CHRM2: variants seen among roughly 807,000 people sequenced by gnomAD.
CHRM2 encodes cholinergic receptor muscarinic 2.
A neutral mutation model predicts 25.0 loss-of-function variants in CHRM2; 8 were observed. The ratio of observed to expected loss-of-function variants is 0.32; its 90% confidence interval spans 0.19 to 0.58. CHRM2 has a LOEUF of 0.58. Ranked by LOEUF, CHRM2 falls within the 20% of genes least tolerant of loss-of-function variation. The pLI is 0.88. For synonymous variants in CHRM2, 202 were observed against 205.7 expected (o/e 0.98, Z 0.15); for missense variants, 440 against 567.1 (o/e 0.78, Z 2.28).
intron 3 of CHRM2, among the ~76,000 whole-genome samples, chr7:137,001,215 CT>C (rs1281568171): frequency 1.3e-5 from 2 of 152,126 alleles, no homozygotes; most frequent in African/African-American, 4.8e-5. Flanking sequence ...CTCCTCCCCC[CT>C]CAGACAGGGT....
chr7:136,966,557 G>T (rs1307033748), intron 2 of CHRM2, among the ~76,000 whole-genome samples: 1 of 151,878 alleles, frequency 6.6e-6, no homozygotes, highest in Non-Finnish European at 1.5e-5. Context: ...GCCTGCCCTT[G>T]TCTCCTAGCC....
In CHRM2 at chr7:136,984,398, A is replaced by G. The variant is rs563924019; in HGVS notation, c.-124-7789A>G. On this transcript the variant is annotated intron_variant, in intron 2 of 3. Coordinates refer to ENST00000680005, the MANE Select transcript of CHRM2 (RefSeq NM_001006630.2). ...GGCTCCGTGGGTGTGGGATTTACTG[A>G]GCAAGACCACTTGGCTCCCTGGCTT... Among the ~76,000 whole-genome samples, 4 of 152,086 alleles carry G rather than the reference A, an allele frequency of 2.6e-5. No individual in the cohort carries two copies. The East Asian group carries it at 7.8e-4, about 30-fold the overall frequency.
rs751987395 is a variant in CHRM2 at position 136,869,441 on chromosome 7, C to G, written c.-125+23C>G. ...CAGGTAAGGGCCCCGCGCTGTGCAGCTCTCCGCTTACCCACTCCAAGGGCC... is the reference window on the plus strand; with the variant it reads ...CAGGTAAGGGCCCCGCGCTGTGCAGGTCTCCGCTTACCCACTCCAAGGGCC... On this transcript the variant is annotated intron_variant, in intron 2 of 3. Transcript: ENST00000680005. The surrounding 1 kb of genome is among the most constrained non-coding windows in gnomAD (Gnocchi z 4.9). 1.3e-5 allele frequency: 2 copies of G among 152,218 alleles called. No individual in the cohort carries two copies. Among genetic ancestry groups the G allele is most frequent in the Non-Finnish European group, 2.9e-5 (2 of 68,142 alleles). The allele number at this position is 152,218 out of a possible 1,614,324, so 9.4% of individuals were successfully genotyped here. A position where few individuals can be genotyped will look rare whatever the true frequency, so the allele number is the denominator to read the frequency against.
At chr7:136,921,200 C>T (rs781638167) in intron 2 of CHRM2, among the ~76,000 whole-genome samples, 28 of 152,194 alleles carry the variant, frequency 1.8e-4, no homozygotes, top group Non-Finnish European at 3.1e-4. Flanking sequence ...CATTTACTAA[C>T]CTCCAGGTCG....
intron 2 of CHRM2, among the ~76,000 whole-genome samples, chr7:136,930,927 A>AAAAAAAAG (rs1290104978): frequency 6.5e-5 from 9 of 138,660 alleles, no homozygotes; most frequent in African/African-American, 2.5e-4. Context: ...AAAAAAAAAA[A>AAAAAAAAG]GGATAGAAAG....
chr7:136,977,885 C>T (rs1374012457), intron 2 of CHRM2, among the ~76,000 whole-genome samples: 4 of 152,156 alleles, frequency 2.6e-5, no homozygotes, highest in Non-Finnish European at 4.4e-5. Flanking sequence ...ACATTTAAAT[C>T]TTTAATCCAT....
rs1197843466 is a variant in CHRM2 at position 136,938,253 on chromosome 7, GA to G, written c.-124-53931del. ...ACTGAATCTTTAGCTAATGGCTTCA[GA>G]AACTTTTAAAAGAAGAGTGCTTCAG... is the stretch of plus-strand genomic sequence containing the variant. On this transcript the variant is annotated intron_variant, in intron 2 of 3. Transcript: ENST00000680005. The G allele has an allele frequency of 3.6e-6, 3 of 843,646 alleles. No individual in the cohort carries two copies. In the African/African-American group the frequency reaches 5.0e-5, roughly 14 times the overall value. 52.3% of individuals were successfully genotyped at this position (843,646 alleles called of 1,614,324 possible).
At position 136,946,639 on chromosome 7, in the gene CHRM2, G is replaced by T. The variant is rs1024712841; in HGVS notation, c.-124-45548G>T. Among the ~76,000 whole-genome samples, 8 of 152,036 alleles carry T rather than the reference G, an allele frequency of 5.3e-5. No individual in the cohort carries two copies. In the East Asian group the frequency reaches 1.5e-3, roughly 29 times the overall value. On this transcript the variant is annotated intron_variant, in intron 2 of 3. Transcript: ENST00000680005. ...CTCCCAATACAGAATGTATACTTTA[G>T]CTTAATACCTGTATTTTCTGCGCTT...
At chr7:136,912,666 C>T (rs1175668512) in intron 2 of CHRM2, among the ~76,000 whole-genome samples, 1 of 151,850 alleles carries the variant, frequency 6.6e-6, no homozygotes, top group Non-Finnish European at 1.5e-5. Context: ...TGGTAAAAAC[C>T]TTACCACCTA....
At chr7:136,987,358 G>T (rs1413408273) in intron 2 of CHRM2, among the ~76,000 whole-genome samples, 3 of 152,086 alleles carry the variant, frequency 2.0e-5, no homozygotes, top group Non-Finnish European at 4.4e-5. Context: ...CCACATGTGG[G>T]GACTGCCCTT....
At chr7:137,007,459 C>T (rs1199913288) in intron 3 of CHRM2, among the ~76,000 whole-genome samples, 2 of 152,076 alleles carry the variant, frequency 1.3e-5, no homozygotes, top group Non-Finnish European at 2.9e-5. Flanking sequence ...GCCCCCACTA[C>T]TCCTTGCGGC....
rs571178590 is a variant in CHRM2, at chr7:136,882,352, A to C, written c.-125+12934A>C. 4.0e-5 allele frequency among the ~76,000 whole-genome samples: 6 copies of C among 150,908 alleles called. No individual in the cohort carries two copies. In the East Asian group the frequency reaches 1.2e-3, roughly 30 times the overall value. ...CCTGCTCCATAAGGATGGGACTTGTATTCCCTCCTTTCCTCCTCCTCCCCT... is the reference window on the plus strand; with the variant it reads ...CCTGCTCCATAAGGATGGGACTTGTCTTCCCTCCTTTCCTCCTCCTCCCCT... On this transcript the variant is annotated intron_variant, in intron 2 of 3. Coordinates refer to ENST00000680005, the MANE Select transcript of CHRM2 (RefSeq NM_001006630.2).
intron 2 of CHRM2, among the ~76,000 whole-genome samples, chr7:136,940,771 T>G (rs921754258): frequency 1.3e-5 from 2 of 152,230 alleles, no homozygotes; most frequent in Non-Finnish European, 2.9e-5. Flanking sequence ...ACTATTATTT[T>G]CCTTTTGCAT....
chr7:136,902,242 T>TC (rs1797264150), intron 2 of CHRM2: 1 of 151,886 alleles, frequency 6.6e-6, no homozygotes, highest in South Asian at 2.1e-4. Flanking sequence ...CATCCATCCA[T>TC]CCATCCATCC....
chr7:136,907,832 G>A (rs1232566316), intron 2 of CHRM2: 1 of 151,858 alleles, frequency 6.6e-6, no homozygotes, highest in Non-Finnish European at 1.5e-5. Flanking sequence ...TTCAAGAAAG[G>A]GAGAGTAGAA....
In CHRM2 at chr7:136,928,090, G is replaced by A. The variant is rs535299726; in HGVS notation, c.-125+58672G>A. Among the ~76,000 whole-genome samples, 9 of 152,270 alleles carry A rather than the reference G, an allele frequency of 5.9e-5. No individual in the cohort carries two copies. In the East Asian group the frequency reaches 1.7e-3, roughly 29 times the overall value. On this transcript the variant is annotated intron_variant, in intron 2 of 3. Transcript: ENST00000680005. Reference sequence around the variant, plus strand: ...TTTGCGCAGAGTGGATTGGGAAAGGGACATTAAATGTATAAGAACATTAAA... The same window carrying A: ...TTTGCGCAGAGTGGATTGGGAAAGGAACATTAAATGTATAAGAACATTAAA...
intron 2 of CHRM2, among the ~76,000 whole-genome samples, chr7:136,990,358 A>G (rs1438142243): frequency 6.6e-6 from 1 of 152,072 alleles, no homozygotes; most frequent in Non-Finnish European, 1.5e-5. Context: ...AAAGTCCTCA[A>G]TGCTCCACCT....
intron 2 of CHRM2, among the ~76,000 whole-genome samples, chr7:136,982,132 A>G (rs1439710711): frequency 6.6e-6 from 1 of 152,066 alleles, no homozygotes; most frequent in Non-Finnish European, 1.5e-5. Flanking sequence ...GTGCTCCTGT[A>G]TTGGGTGTAT....
At chr7:136,938,616 G>A (rs2130806693) in intron 2 of CHRM2, 2 of 876,112 alleles carry the variant, frequency 2.3e-6, no homozygotes, top group East Asian at 2.4e-5. Context: ...CTGTCCACTC[G>A]GGAGAAGCTC....
Sources: allele counts gnomAD v4.1 joint callset (sites outside exome capture counted in the v4.1 genomes callset), GRCh38; gene constraint gnomAD v4.1.1; non-coding constraint Gnocchi (gnomAD v3.1); transcripts MANE v1.5; gene names NCBI Gene and HGNC (gene_info 2026-07-23, HGNC 2026-07-21).